Variants in BBOF1 observed in about 807,000 individuals in gnomAD.
BBOF1 encodes basal body orientation factor 1.
A neutral mutation model predicts 68.0 loss-of-function variants in BBOF1; 62 were observed. The observed-to-expected ratio is 0.91, with a 90% confidence interval of 0.74 to 1.13. BBOF1 has a LOEUF of 1.13. Among genes scored for constraint, BBOF1 ranks in the 50% most tolerant of loss-of-function variants. BBOF1 has a pLI of 0.00. For synonymous variants in BBOF1, 208 were observed against 198.8 expected, an observed-to-expected ratio of 1.05 and a Z score of -0.39; for missense variants, 534 against 600.1, an observed-to-expected ratio of 0.89 and a Z score of 1.15.
intron 1 of BBOF1, among the ~76,000 whole-genome samples, chr14:74,021,749 T>C (rs952407624): frequency 3.3e-5 from 5 of 151,180 alleles, no homozygotes; most frequent in African/African-American, 1.2e-4. Context: ...CTACTGAAAA[T>C]ACAAAAAATT....
chr14:74,041,241 T>TCAA (rs1713769600), intron 5 of BBOF1, among the ~76,000 whole-genome samples: 2 of 152,068 alleles, frequency 1.3e-5, no homozygotes, highest in African/African-American at 4.8e-5. Flanking sequence ...AGGCAGAGGT[T>TCAA]GCAGTGAGGC....
chr14:74,030,834 T>G (rs1266220297), intron 3 of BBOF1, among the ~76,000 whole-genome samples: 1 of 151,936 alleles, frequency 6.6e-6, no homozygotes, highest in African/African-American at 2.4e-5. Flanking sequence ...AACCATTTTA[T>G]TTATTTTGTG....
At chr14:74,052,423 G>C (rs2060086936) in intron 8 of BBOF1, among the ~76,000 whole-genome samples, 2 of 151,712 alleles carry the variant, frequency 1.3e-5, no homozygotes, top group Admixed American at 6.6e-5. Flanking sequence ...GAGACAGGTG[G>C]ATCAAGAGGT....
chr14:74,044,897 C>T (rs1260518034), intron 5 of BBOF1, among the ~76,000 whole-genome samples: 2 of 152,130 alleles, frequency 1.3e-5, no homozygotes, highest in African/African-American at 2.4e-5. Flanking sequence ...TGTACTCTAG[C>T]CTGGGCAACA....
chr14:74,076,100 T>C (rs903056153), intron 9 of BBOF1, among the ~76,000 whole-genome samples: 2 of 152,204 alleles, frequency 1.3e-5, no homozygotes, highest in Admixed American at 6.6e-5. Flanking sequence ...GATGGACATA[T>C]GTTCATTATG....
At chr14:74,033,207 T>C (rs1055964417) in intron 3 of BBOF1, among the ~76,000 whole-genome samples, 3 of 148,120 alleles carry the variant, frequency 2.0e-5, no homozygotes, top group Admixed American at 6.9e-5. Flanking sequence ...ATATAGAAAC[T>C]TTTCCAAAAT....
intron 9 of BBOF1, chr14:74,071,387 C>T: frequency 6.2e-7 from 1 of 1,614,152 alleles, no homozygotes. Context: ...GCAATGCCTG[C>T]ACACACTCCC....
At chr14:74,075,114 G>A in intron 9 of BBOF1, 1 of 1,104,052 alleles carries the variant, frequency 9.1e-7, no homozygotes, top group South Asian at 1.3e-5. Context: ...ATAGTATATA[G>A]GGGGTATGTT....
chr14:74,053,055 A>AT (rs971261702), intron 8 of BBOF1, among the ~76,000 whole-genome samples: 1 of 151,918 alleles, frequency 6.6e-6, no homozygotes, highest in African/African-American at 2.4e-5. Flanking sequence ...AATAAAATAA[A>AT]TTTTTTAAAA....
At chr14:74,031,298 A>G (rs2059562875) in intron 3 of BBOF1, among the ~76,000 whole-genome samples, 1 of 151,970 alleles carries the variant, frequency 6.6e-6, no homozygotes, top group South Asian at 2.1e-4. Context: ...TTTTTTGTAG[A>G]GATGGGGTCT....
At position 74,055,400 on chromosome 14, in the gene BBOF1, CG is replaced by C. The variant is rs571235202; in HGVS notation, c.1287-182del. On this transcript the variant is annotated intron_variant, in intron 8 of 11. Coordinates refer to ENST00000394009, the MANE Select transcript of BBOF1 (RefSeq NM_025057.3). Reference sequence around the variant, plus strand: ...CTGACCTCAGATGATCCACCCGCCTCGGCCTCCCAAAGTGCTGGGATTACAG... The same window carrying C: ...CTGACCTCAGATGATCCACCCGCCTCGCCTCCCAAAGTGCTGGGATTACAG... 4.0e-5 allele frequency: 20 copies of C among 496,998 alleles called. No homozygotes were observed. In the South Asian group the frequency reaches 4.7e-4, roughly 12 times the overall value. The allele number at this position is 496,998 out of a possible 1,614,324, so 30.8% of individuals were successfully genotyped here.
chr14:74,079,432 T>G (rs1417855098), intron 10 of BBOF1, among the ~76,000 whole-genome samples: 1 of 150,456 alleles, frequency 6.6e-6, no homozygotes, highest in Non-Finnish European at 1.5e-5. Context: ...TCTTATTGTT[T>G]TTTTTTTTTT....
At position 74,050,049 on chromosome 14, in the gene BBOF1, T is replaced by C. The variant is rs1228030516; in HGVS notation, c.1140T>C (p.His380=). 1 of 1,614,114 alleles carries C rather than the reference T, an allele frequency of 6.2e-7. No homozygotes were observed. ...VKQQILISRK[H]YKQIAQAAFN... Reference sequence around the variant, plus strand: ...AACAGATCCTAATTAGCAGGAAGCATTATAAGCAGATAGCACAAGCTGCTT... The same window carrying C: ...AACAGATCCTAATTAGCAGGAAGCACTATAAGCAGATAGCACAAGCTGCTT... Residue 380 remains histidine, a synonymous_variant, in exon 8 of 12, where the codon CAT becomes CAC. Coordinates refer to ENST00000394009, the MANE Select transcript of BBOF1 (RefSeq NM_025057.3).
intron 11 of BBOF1, among the ~76,000 whole-genome samples, chr14:74,061,108 G>C (rs1331275632): frequency 6.6e-6 from 1 of 151,528 alleles, no homozygotes; most frequent in East Asian, 1.9e-4. Flanking sequence ...CTCTCGAGTA[G>C]CTGGGATTAC....
At chr14:74,056,527 G>T (rs1205227938) in intron 9 of BBOF1, among the ~76,000 whole-genome samples, 1 of 151,378 alleles carries the variant, frequency 6.6e-6, no homozygotes, top group African/African-American at 2.4e-5. Context: ...GTAAAGACAG[G>T]GTTTCACCAT....
chr14:74,029,743 T>TATA (rs1444655740), intron 3 of BBOF1, among the ~76,000 whole-genome samples: 1 of 151,608 alleles, frequency 6.6e-6, no homozygotes. Flanking sequence ...TAAAAAACCA[T>TATA]ATAATATTAA....
chr14:74,067,544 A>C (rs201647107), downstream of BBOF1: 88 of 1,614,156 alleles, frequency 5.5e-5, no homozygotes, highest in Non-Finnish European at 6.9e-5. Flanking sequence ...GGCATCTGGC[A>C]TGACTACCCC....
intron 2 of BBOF1, among the ~76,000 whole-genome samples, chr14:74,027,005 C>G (rs1329790379): frequency 1.3e-5 from 2 of 151,160 alleles, no homozygotes; most frequent in Non-Finnish European, 2.9e-5. Flanking sequence ...AGATTATAAC[C>G]TATTGAATGA....
rs936855445 is a variant in BBOF1, at chr14:74,064,837, A to G, written c.*138A>G. ...CAAAAGTTACCTGTTTGCCATAGAA[A>G]TTGGTGTCTCCCCTGAAGGAGGATC... On this transcript the variant is annotated 3_prime_UTR_variant, in exon 12 of 12. Coordinates refer to ENST00000394009, the MANE Select transcript of BBOF1 (RefSeq NM_025057.3). 3.1e-6 allele frequency: 5 copies of G among 1,614,118 alleles called. No individual in the cohort carries two copies. The South Asian group carries it at 4.4e-5, about 14-fold the overall frequency.
Sources: gnomAD v4.1 joint callset for allele counts (sites outside exome capture counted in the v4.1 genomes callset) on GRCh38, gnomAD v4.1.1 for gene constraint, MANE v1.5 for transcripts, NCBI Gene and HGNC (gene_info 2026-07-23, HGNC 2026-07-21) for gene names.